The following SARDH variants were observed in gnomAD, a reference collection of about 807,000 sequenced individuals.
SARDH encodes the protein sarcosine dehydrogenase, mitochondrial.
SARDH carries 95 observed loss-of-function variants against 109.1 expected under a neutral mutation model. The observed-to-expected ratio is 0.87, with a 90% CI of 0.74 to 1.03. SARDH has a LOEUF of 1.03. Among genes scored for constraint, SARDH ranks in the 50% least tolerant of loss-of-function variants. SARDH has a pLI of 0.00. For synonymous variants in SARDH, 572 were observed against 534.8 expected (o/e 1.07, Z -0.96); for missense variants, 1,267 against 1,287.8 (o/e 0.98, Z 0.25).
downstream of SARDH, among the ~76,000 whole-genome samples, chr9:133,659,868 C>T (rs1048549851): frequency 6.6e-5 from 10 of 152,076 alleles, no homozygotes; most frequent in Admixed American, 2.6e-4. Flanking sequence ...CCTCTTCCCG[C>T]GATCACACCC....
chr9:133,687,513 T>C (rs1231070083), intron 16 of SARDH, among the ~76,000 whole-genome samples: 1 of 152,170 alleles, frequency 6.6e-6, no homozygotes, highest in East Asian at 1.9e-4. Context: ...ACTCCCGGAC[T>C]CAAGCGATCT....
At chr9:133,678,331 G>A (rs1187009997) in intron 17 of SARDH, among the ~76,000 whole-genome samples, 1 of 152,158 alleles carries the variant, frequency 6.6e-6, no homozygotes, top group Non-Finnish European at 1.5e-5. Flanking sequence ...GGGACCAGAA[G>A]GCCTCTGGTG....
chr9:133,687,591 CAG>C (rs1422378147), intron 16 of SARDH, among the ~76,000 whole-genome samples: 2 of 152,066 alleles, frequency 1.3e-5, no homozygotes, highest in Admixed American at 1.3e-4. Context: ...TCTACCAGCA[CAG>C]GGGGCTATTT....
At position 133,693,477 on chromosome 9, in the gene SARDH, C is replaced by T. The variant is rs1831173401; in HGVS notation, c.1921+781G>A. ...GCTGAGCCCTCCCCGCTGACTGTGCCCCTGCCCCGGGGACAGCACAGAGAG... is the reference window on the plus strand; with the variant it reads ...GCTGAGCCCTCCCCGCTGACTGTGCTCCTGCCCCGGGGACAGCACAGAGAG... On this transcript the variant is annotated intron_variant, in intron 15 of 20. Coordinates refer to ENST00000439388, the MANE Select transcript of SARDH (RefSeq NM_001134707.2). This position sits in a 1 kb window ranked among gnomAD's most constrained non-coding sequence, Gnocchi z 5.6. Among the ~76,000 whole-genome samples, 1 of 152,216 alleles carries T rather than the reference C, an allele frequency of 6.6e-6. No homozygotes were observed.
chr9:133,701,590 C>T (rs1831489195), intron 13 of SARDH, among the ~76,000 whole-genome samples: 1 of 152,220 alleles, frequency 6.6e-6, no homozygotes, highest in Admixed American at 6.5e-5. Context: ...CCCCCGAGCT[C>T]CCACATCCTC....
At chr9:133,678,705 C>T (rs80056599) in intron 17 of SARDH, among the ~76,000 whole-genome samples, 186 of 152,328 alleles carry the variant, frequency 1.2e-3, no homozygotes, top group African/African-American at 4.2e-3. Context: ...CATCCCCTGC[C>T]GTCCAACACC....
intron 12 of SARDH, among the ~76,000 whole-genome samples, chr9:133,703,987 C>G (rs545163287): frequency 1.3e-5 from 2 of 152,250 alleles, no homozygotes; most frequent in African/African-American, 4.8e-5. Context: ...TCTCCTCGCC[C>G]AGGGACAGGG....
downstream of SARDH, among the ~76,000 whole-genome samples, chr9:133,661,350 C>A (rs9409876): frequency 0.24 from 34,627 of 144,542 alleles, 4,205 homozygotes; most frequent in East Asian, 0.39. Context: ...AAAAAAAAAA[C>A]AACAACAACA....
Position 133,717,145 on chromosome 9 carries a change from G to A in SARDH, c.1150+181C>T, listed in dbSNP as rs373615433. 2.0e-4 allele frequency among the ~76,000 whole-genome samples: 30 copies of A among 152,158 alleles called. 1 individual carries two copies. In the East Asian group the frequency reaches 3.9e-3, roughly 20 times the overall value. On this transcript the variant is annotated intron_variant, in intron 8 of 20. Coordinates refer to ENST00000439388, the MANE Select transcript of SARDH (RefSeq NM_001134707.2). Reference sequence around the variant, plus strand: ...CTTGTGAAGCCCAGGCCTCTCGCCCGTAGAGGGGAATAAAGGCCACACCTA... The same window carrying A: ...CTTGTGAAGCCCAGGCCTCTCGCCCATAGAGGGGAATAAAGGCCACACCTA...
chr9:133,692,056 G>A lies in SARDH; in HGVS notation c.1922-1529C>T, dbSNP rs567220919. ...TTTCCTGACAGCTTCCCCTTATGAG[G>A]GGGGACGAGCAAGGTCCTCATTCCC... On this transcript the variant is annotated intron_variant, in intron 15 of 20. Coordinates refer to ENST00000439388, the MANE Select transcript of SARDH (RefSeq NM_001134707.2). This position sits in a 1 kb window ranked among gnomAD's most constrained non-coding sequence, Gnocchi z 5.0. Among the ~76,000 whole-genome samples, 7 of 152,252 alleles carry A rather than the reference G, an allele frequency of 4.6e-5. No individual in the cohort carries two copies. The East Asian group carries it at 7.7e-4, about 17-fold the overall frequency.
intron 6 of SARDH, among the ~76,000 whole-genome samples, chr9:133,721,469 G>A (rs1037171320): frequency 4.6e-5 from 7 of 152,194 alleles, no homozygotes; most frequent in African/African-American, 1.4e-4. Flanking sequence ...CAGAGAACAC[G>A]CTGTGACAAA....
chr9:133,680,195 C>T (rs117196518), intron 17 of SARDH, among the ~76,000 whole-genome samples: 3 of 152,356 alleles, frequency 2.0e-5, no homozygotes, highest in Admixed American at 1.3e-4. Flanking sequence ...TGCTAGACTC[C>T]GTGCTACAGG....
At chr9:133,680,753 C>A (rs1285725910) in intron 17 of SARDH, among the ~76,000 whole-genome samples, 2 of 148,940 alleles carry the variant, frequency 1.3e-5, no homozygotes, top group African/African-American at 2.6e-5. Flanking sequence ...GCAGACCTGG[C>A]CGCCAGGCCC....
chr9:133,661,339 CA>C (rs748291485), downstream of SARDH, among the ~76,000 whole-genome samples: 3 of 140,238 alleles, frequency 2.1e-5, no homozygotes, highest in East Asian at 2.1e-4. Flanking sequence ...AACCCTGTCT[CA>C]AAAAAAAAAC....
chr9:133,718,577 GC>G lies in SARDH; in HGVS notation c.1020+360del. The G allele has an allele frequency of 1.3e-6, 1 of 749,242 alleles. No homozygotes were observed. The highest frequency in any genetic ancestry group is 1.4e-5 in the South Asian group (1 of 70,658). The allele number at this position is 749,242 out of a possible 1,614,324, so 46.4% of individuals were successfully genotyped here. ...AACCCCAGAAGCTGCCCGGGAAACA[GC>G]CCAGGCCAGGGGAAATGCCGCTGCA... On this transcript the variant is annotated intron_variant, in intron 7 of 20. Coordinates refer to ENST00000439388, the MANE Select transcript of SARDH (RefSeq NM_001134707.2). The surrounding 1 kb of genome is among the most constrained non-coding windows in gnomAD (Gnocchi z 4.2).
At position 133,725,092 on chromosome 9, in the gene SARDH, C is replaced by T. The variant is rs534292177; in HGVS notation, c.915+4673G>A. 4.6e-5 allele frequency among the ~76,000 whole-genome samples: 7 copies of T among 152,224 alleles called. No homozygotes were observed. In the South Asian group the frequency reaches 1.2e-3, roughly 27 times the overall value. On this transcript the variant is annotated intron_variant, in intron 6 of 20. Transcript: ENST00000439388. ...ATGAAATACTGATACATGTACTACA[C>T]GGACAAAACCGTAAAAAGAAGCCAG...
At position 133,686,778 on chromosome 9, in the gene SARDH, G is replaced by A. The variant is rs900244060; in HGVS notation, c.2070-1492C>T. ...CCCAATCGTCACAGTGCTGGGAGCC[G>A]CCACCCACGTCAGCCTGAGGTGCTC... is the stretch of plus-strand genomic sequence containing the variant. On this transcript the variant is annotated intron_variant, in intron 16 of 20. Transcript: ENST00000439388. This position sits in a 1 kb window ranked among gnomAD's most constrained non-coding sequence, Gnocchi z 4.0. Among the ~76,000 whole-genome samples the A allele has an allele frequency of 6.6e-6, 1 of 152,142 alleles. No homozygotes were observed. The highest frequency in any genetic ancestry group is 6.5e-5 in the Admixed American group (1 of 15,278).
chr9:133,670,820 G>C (rs1830320547), intron 18 of SARDH, 68 bp from the exon 19 acceptor site: 1 of 1,472,078 alleles, frequency 6.8e-7, no homozygotes, highest in African/African-American at 1.4e-5. Flanking sequence ...AGATGCATGA[G>C]GATGCTGCCT....
At position 133,730,199 on chromosome 9, in the gene SARDH, A is replaced by C. The variant is rs892770254; in HGVS notation, c.691-12T>G. 6.2e-7 allele frequency: 1 copy of C among 1,614,032 alleles called. No individual in the cohort carries two copies. The highest frequency in any genetic ancestry group is 8.5e-7 in the Non-Finnish European group (1 of 1,179,972). On this transcript the variant is annotated splice_polypyrimidine_tract_variant and intron_variant, in intron 4 of 20. Transcript: ENST00000439388. ...CAGTTCTCAATGACCTGGAATTGAG[A>C]GGAACTGCTTCTAAAATCCCACGGG...
Sources: gnomAD v4.1 joint callset for allele counts (sites outside exome capture counted in the v4.1 genomes callset) on GRCh38, gnomAD v4.1.1 for gene constraint, Gnocchi (gnomAD v3.1) non-coding constraint, MANE v1.5 for transcripts, NCBI Gene and HGNC (gene_info 2026-07-23, HGNC 2026-07-21) for gene names.